Variants in DMD observed in about 807,000 individuals in gnomAD.
DMD encodes the protein mutant dystrophin.
Under a neutral mutation model 330.1 loss-of-function variants are expected in DMD, and 63 were observed. The observed-to-expected ratio is 0.19, with a 90% CI of 0.16 to 0.24. The LOEUF is 0.24. Among genes scored for constraint, DMD ranks in the 10% least tolerant of loss-of-function variants. DMD has a pLI of 1.00. For missense variants in DMD, 3,344 were observed against 2,684.1 expected (o/e 1.25, Z -5.43); for synonymous variants, 1,223 against 959.8 (o/e 1.27, Z -5.07).
rs760143318 is a variant in DMD at position 32,284,554 on chromosome X, G to A, written c.6290+2975C>T. Among the ~76,000 whole-genome samples, 8 of 111,665 alleles carry A rather than the reference G, an allele frequency of 7.2e-5. No homozygotes were observed. In the South Asian group the frequency reaches 2.6e-3, roughly 37 times the overall value. ...TGCCAACCTTAACTGAGCCATTATCGTGTTTAAGCAACCCACTAAGCTCCC... is the reference window on the plus strand; with the variant it reads ...TGCCAACCTTAACTGAGCCATTATCATGTTTAAGCAACCCACTAAGCTCCC... On this transcript the variant is annotated intron_variant, in intron 43 of 78. Coordinates refer to ENST00000357033, the MANE Select transcript of DMD (RefSeq NM_004006.3).
intron 1 of DMD, among the ~76,000 whole-genome samples, chrX:33,199,910 T>C (rs1426835069): frequency 9.0e-6 from 1 of 111,616 alleles, no homozygotes; most frequent in Non-Finnish European, 1.9e-5. Context: ...CATTAATTGG[T>C]TCTAGAGACA....
chrX:31,478,451 A>C, intron 58 of DMD, 77 bp from the exon 59 acceptor site: 1 of 1,169,326 alleles, frequency 8.6e-7, no homozygotes, highest in African/African-American at 1.8e-5. Flanking sequence ...TACTGGAAGA[A>C]AGAAAGAGTA....
intron 7 of DMD, among the ~76,000 whole-genome samples, chrX:32,716,492 C>T (rs1041204989): frequency 1.3e-4 from 15 of 111,491 alleles, no homozygotes; most frequent in African/African-American, 4.6e-4. Context: ...TTAAGTAAAC[C>T]TCTTATCTTT....
chrX:32,207,186 G>A (rs1043134756), intron 44 of DMD, among the ~76,000 whole-genome samples: 2 of 111,393 alleles, frequency 1.8e-5, no homozygotes, highest in East Asian at 2.8e-4. Flanking sequence ...CAAAACTGAT[G>A]TTGAAATTTA....
At chrX:32,696,082 T>C (rs950657155) in intron 9 of DMD, among the ~76,000 whole-genome samples, 3 of 111,866 alleles carry the variant, frequency 2.7e-5, no homozygotes, top group Non-Finnish European at 5.6e-5. Context: ...TAGGGGACAG[T>C]CACCCACATG....
At chrX:31,961,333 A>G in intron 45 of DMD, among the ~76,000 whole-genome samples, 1 of 111,898 alleles carries the variant, frequency 8.9e-6, no homozygotes, top group Non-Finnish European at 1.9e-5. Context: ...TAATCTATAT[A>G]ATAATGTCAA....
chrX:31,525,714 T>C (rs2073191844), intron 55 of DMD, among the ~76,000 whole-genome samples: 1 of 112,282 alleles, frequency 8.9e-6, no homozygotes, highest in Admixed American at 9.4e-5. Context: ...AAATCTGATA[T>C]ATTTTAAAAG....
At chrX:31,250,506 T>C (rs917330776) in intron 63 of DMD, among the ~76,000 whole-genome samples, 1 of 112,208 alleles carries the variant, frequency 8.9e-6, no homozygotes, top group African/African-American at 3.2e-5. Context: ...GTCACTTGAT[T>C]TGAGTTTACA....
At position 31,293,218 on chromosome X, in the gene DMD, T is replaced by TGTGTGAGTGTGTGTGTAGTCTGGTTTA. The variant is rs1569519897; in HGVS notation, c.9224+30379_9224+30380insTAAACCAGACTACACACACACTCACAC. 1.5e-3 allele frequency among the ~76,000 whole-genome samples: 145 copies of TGTGTGAGTGTGTGTGTAGTCTGGTTTA among 95,864 alleles called. 1 individual carries two copies. Among genetic ancestry groups the TGTGTGAGTGTGTGTGTAGTCTGGTTTA allele is most frequent in the African/African-American group, 5.7e-3 (130 of 22,681 alleles). 83.2% of individuals were successfully genotyped at this position (95,864 alleles called of 115,157 possible). ...TAGTCTGGTTTAGTGTGTGTGTGTG[T>TGTGTGAGTGTGTGTGTAGTCTGGTTTA]GTGTGTGTGTGTGTGTGTGTGTGTG... On this transcript the variant is annotated intron_variant, in intron 62 of 78. Transcript: ENST00000357033.
chrX:31,691,707 T>C (rs927687508), intron 52 of DMD, among the ~76,000 whole-genome samples: 2 of 112,191 alleles, frequency 1.8e-5, no homozygotes, highest in African/African-American at 3.2e-5. Flanking sequence ...AACATCATTA[T>C]ATATTGATAA....
At chrX:32,686,514 G>T (rs187285928) in intron 9 of DMD, among the ~76,000 whole-genome samples, 1 of 95,862 alleles carries the variant, frequency 1.0e-5, no homozygotes, top group Admixed American at 1.2e-4. Flanking sequence ...AGCCAAGATC[G>T]TGCCAGTGCA....
intron 52 of DMD, among the ~76,000 whole-genome samples, chrX:31,689,134 A>G (rs1179200408): frequency 9.0e-6 from 1 of 111,536 alleles, no homozygotes; most frequent in Non-Finnish European, 1.9e-5. Flanking sequence ...TCAGGCAGGA[A>G]AAAGAAATAA....
intron 50 of DMD, among the ~76,000 whole-genome samples, chrX:31,788,985 C>G (rs2091442771): frequency 9.0e-6 from 1 of 110,806 alleles, no homozygotes. Context: ...TGACGTGAGT[C>G]TCTTATGGGC....
intron 54 of DMD, among the ~76,000 whole-genome samples, chrX:31,629,547 G>A (rs1163311224): frequency 1.8e-5 from 2 of 112,029 alleles, no homozygotes; most frequent in African/African-American, 3.2e-5. Context: ...AGGTAGTGTA[G>A]GGTTCTGGTT....
chrX:31,206,763 A>C, intron 65 of DMD, 96 bp from the exon 66 acceptor site: 1 of 687,979 alleles, frequency 1.5e-6, no homozygotes, highest in Non-Finnish European at 2.3e-6. Flanking sequence ...GGAAAAATAA[A>C]GGAGTAAAGT....
At chrX:32,366,898 A>C (rs773398167) in intron 34 of DMD, among the ~76,000 whole-genome samples, 6 of 112,412 alleles carry the variant, frequency 5.3e-5, no homozygotes, top group Admixed American at 9.5e-5. Context: ...GCCTGAAATT[A>C]AGGTACTTAA....
intron 11 of DMD, among the ~76,000 whole-genome samples, chrX:32,636,250 T>C (rs1483765379): frequency 8.9e-6 from 1 of 111,968 alleles, no homozygotes; most frequent in Non-Finnish European, 1.9e-5. Context: ...ATGTCATGTA[T>C]CATTTTCAAA....
chrX:32,023,361 C>T (rs1014169612), intron 44 of DMD, among the ~76,000 whole-genome samples: 17 of 111,248 alleles, frequency 1.5e-4, no homozygotes, highest in Middle Eastern at 4.2e-3. Flanking sequence ...AGCATTAGTT[C>T]TGCTGTTCTA....
At chrX:32,906,395 C>T (rs1362046252) in intron 2 of DMD, among the ~76,000 whole-genome samples, 1 of 112,047 alleles carries the variant, frequency 8.9e-6, no homozygotes, top group African/African-American at 3.2e-5. Flanking sequence ...CCTGCAGAAC[C>T]GTGAACCAAC....
Sources: allele counts gnomAD v4.1 joint callset (sites outside exome capture counted in the v4.1 genomes callset), GRCh38; gene constraint gnomAD v4.1.1; transcripts MANE v1.5; gene names NCBI Gene and HGNC (gene_info 2026-07-23, HGNC 2026-07-21).